Variants in SLC48A1 observed in about 807,000 individuals in gnomAD.
SLC48A1 encodes solute carrier family 48 member 1, also known as heme transporter HRG1.
Under a neutral mutation model 14.8 loss-of-function variants are expected in SLC48A1, and 6 were observed. The observed-to-expected ratio is 0.41, with a 90% CI of 0.22 to 0.80. The LOEUF (loss-of-function observed/expected upper bound fraction) is 0.80, where lower values mean the gene tolerates loss of function less well. Among genes scored for constraint, SLC48A1 ranks in the 30% least tolerant of loss-of-function variants. SLC48A1 has a pLI of 0.34. For missense variants in SLC48A1, 165 were observed against 204.8 expected (o/e 0.81, Z 1.19); for synonymous variants, 89 against 90.0 (o/e 0.99, Z 0.06).
chr12:47,780,375 C>T lies in SLC48A1; in HGVS notation c.*94C>T, dbSNP rs776410114. ...AGAGGCTACTCCCACCCCCTGGTGA[C>T]CCCAGAACTGTGGCAGAAAATACAC... On this transcript the variant is annotated 3_prime_UTR_variant, in exon 3 of 3. Coordinates refer to ENST00000442218, the MANE Select transcript of SLC48A1 (RefSeq NM_017842.3). 3 of 1,577,476 alleles carry T rather than the reference C, an allele frequency of 1.9e-6. No homozygotes were observed. The highest frequency in any genetic ancestry group is 1.7e-6 in the Non-Finnish European group (2 of 1,147,112).
At position 47,780,837 on chromosome 12, in the gene SLC48A1, G is replaced by C. The variant is rs1271764238; in HGVS notation, c.*556G>C. The C allele has an allele frequency of 3.9e-6, 2 of 514,048 alleles. No individual in the cohort carries two copies. Among genetic ancestry groups the C allele is most frequent in the Non-Finnish European group, 7.9e-6 (2 of 254,054 alleles). 31.8% of individuals were successfully genotyped at this position (514,048 alleles called of 1,614,324 possible). On this transcript the variant is annotated 3_prime_UTR_variant, in exon 3 of 3. Coordinates refer to ENST00000442218, the MANE Select transcript of SLC48A1 (RefSeq NM_017842.3). ...CCGCCTCAGCCTTCCAAAGTGCTGG[G>C]ATTATAGGTGTGAGCCACCGTGCCC... is the stretch of plus-strand genomic sequence containing the variant.
intron 2 of SLC48A1, among the ~76,000 whole-genome samples, chr12:47,763,853 A>G (rs1189124333): frequency 6.6e-6 from 1 of 152,144 alleles, no homozygotes; most frequent in Admixed American, 6.5e-5. Context: ...GCAGAGGTGA[A>G]AGCAGGAACC....
intron 2 of SLC48A1, among the ~76,000 whole-genome samples, chr12:47,762,563 A>G (rs747503831): frequency 6.6e-6 from 1 of 152,234 alleles, no homozygotes; most frequent in Non-Finnish European, 1.5e-5. Flanking sequence ...TTCTAGCCCA[A>G]TAATGGTCTC....
chr12:47,757,825 TG>T, upstream of SLC48A1: 1 of 1,521,674 alleles, frequency 6.6e-7, no homozygotes. Flanking sequence ...CCTCTAGCTC[TG>T]GTACTGGCCC....
Position 47,758,633 on chromosome 12 carries a change from G to C in SLC48A1, c.-400G>C. The C allele has an allele frequency of 1.9e-6, 3 of 1,603,540 alleles. No individual in the cohort carries two copies. In the Admixed American group the frequency reaches 5.1e-5, roughly 27 times the overall value. On this transcript the variant is annotated 5_prime_UTR_variant, in exon 1 of 5. Coordinates refer to the SLC48A1 transcript ENST00000547002. ...GTCCCCAGCGACCCCCATCAGCTTT[G>C]ATAAGGGGATCCGGAGGGTGCCAGT...
At chr12:47,758,949 C>T in intron 1 of SLC48A1, 1 of 1,016,490 alleles carries the variant, frequency 9.8e-7, no homozygotes, top group South Asian at 4.5e-5. Context: ...CCAGGACTGG[C>T]GGAGGGGGCG....
At chr12:47,758,724 G>A in intron 1 of SLC48A1, 5 of 1,366,900 alleles carry the variant, frequency 3.7e-6, no homozygotes, top group Non-Finnish European at 4.7e-6. Context: ...GCAGCAGGAT[G>A]CAGGGCTCGG....
At chr12:47,772,004 C>G (rs1942638576), upstream of SLC48A1, among the ~76,000 whole-genome samples, 1 of 152,054 alleles carries the variant, frequency 6.6e-6, no homozygotes, top group African/African-American at 2.4e-5. Flanking sequence ...CCTGATGTCC[C>G]CTTGATTTTA....
chr12:47,778,598 A>T (rs1942800133), intron 1 of SLC48A1: 2 of 158,862 alleles, frequency 1.3e-5, no homozygotes. Flanking sequence ...TCTGGTTTTC[A>T]GGATCCTTTT....
At chr12:47,769,248 G>T (rs1942577760), upstream of SLC48A1, 1 of 152,260 alleles carries the variant, frequency 6.6e-6, no homozygotes, top group South Asian at 2.1e-4. Context: ...CACAAATGTT[G>T]GTGTGTGTTG....
chr12:47,766,183 A>G lies in SLC48A1; in HGVS notation c.-187+5782A>G, dbSNP rs148907063. Among the ~76,000 whole-genome samples the G allele has an allele frequency of 5.1e-3, 782 of 152,294 alleles. 2 individuals are homozygous for G. Among genetic ancestry groups the G allele is most frequent in the Admixed American group, 0.014 (207 of 15,306 alleles). On this transcript the variant is annotated intron_variant, in intron 2 of 4. Transcript: ENST00000547002. The stretch of plus-strand genomic sequence containing the variant: ...CTGGACTAGAGGGGGACCCACGTGC[A>G]CTGATGAAGGCTCCATGGTGACTTT...
upstream of SLC48A1, among the ~76,000 whole-genome samples, chr12:47,766,703 G>A (rs1942523990): frequency 6.6e-6 from 1 of 151,970 alleles, no homozygotes; most frequent in Admixed American, 6.6e-5. Flanking sequence ...CTTAGCTCCT[G>A]AGTTCAAAGA....
Position 47,773,657 on chromosome 12 carries a change from G to C in SLC48A1, c.136+217G>C, listed in dbSNP as rs539791682. Among the ~76,000 whole-genome samples the C allele has an allele frequency of 5.3e-5, 8 of 151,902 alleles. No homozygotes were observed. The East Asian group carries it at 1.6e-3, about 30-fold the overall frequency. ...CCCGATGCCCGCCCGGGCGCCACCT[G>C]GGGGTGCCGACGGCCCGCCACTGCC... On this transcript the variant is annotated intron_variant, in intron 1 of 2. Transcript: ENST00000442218.
At chr12:47,757,860 A>G, upstream of SLC48A1, 1 of 1,551,570 alleles carries the variant, frequency 6.4e-7, no homozygotes, top group Non-Finnish European at 8.7e-7. Flanking sequence ...GGTGAAAGGT[A>G]CTCACCCAGC....
chr12:47,773,106 C>G (rs975918246), upstream of SLC48A1: 8 of 744,306 alleles, frequency 1.1e-5, no homozygotes, highest in African/African-American at 1.5e-4. Flanking sequence ...CGCAAAGCGG[C>G]GGTGGCGTCT....
upstream of SLC48A1, among the ~76,000 whole-genome samples, chr12:47,772,859 G>A (rs1005982733): frequency 6.6e-5 from 10 of 152,130 alleles, no homozygotes; most frequent in African/African-American, 2.4e-4. Flanking sequence ...TATTCACAGC[G>A]TACTCTAATA....
At chr12:47,756,737 G>A (rs1311569183), upstream of SLC48A1, among the ~76,000 whole-genome samples, 2 of 152,120 alleles carry the variant, frequency 1.3e-5, no homozygotes, top group Non-Finnish European at 2.9e-5. Context: ...TTGGGAGGGC[G>A]AGGTGGGCAG....
At chr12:47,755,380 AACT>A (rs1471369973), upstream of SLC48A1, among the ~76,000 whole-genome samples, 5 of 152,158 alleles carry the variant, frequency 3.3e-5, no homozygotes, top group Non-Finnish European at 7.3e-5. Flanking sequence ...TATAACTATT[AACT>A]ACTACTATTA....
chr12:47,754,929 C>A (rs761484336), upstream of SLC48A1, among the ~76,000 whole-genome samples: 1 of 152,206 alleles, frequency 6.6e-6, no homozygotes, highest in Non-Finnish European at 1.5e-5. Context: ...ACCCTCACTC[C>A]CTGTCACTGA....
Sources: gnomAD v4.1 joint callset for allele counts (sites outside exome capture counted in the v4.1 genomes callset) on GRCh38, gnomAD v4.1.1 for gene constraint, MANE v1.5 for transcripts, NCBI Gene and HGNC (gene_info 2026-07-23, HGNC 2026-07-21) for gene names.